The following SMAD6 variants were observed in gnomAD, a reference collection of about 807,000 sequenced individuals.
SMAD6 encodes MAD homolog 6.
Under a neutral mutation model 39.4 loss-of-function variants are expected in SMAD6, and 103 were observed. The ratio of observed to expected loss-of-function variants is 2.62; its 90% CI spans 2.23 to 3.08. The LOEUF (loss-of-function observed/expected upper bound fraction) is 3.08, where lower values mean the gene tolerates loss of function less well. Among genes scored for constraint, SMAD6 ranks in the 30% most tolerant of loss-of-function variants. SMAD6 has a pLI of 0.00. For synonymous variants in SMAD6, 445 were observed against 353.3 expected, an observed-to-expected ratio of 1.26 and a Z score of -2.91; for missense variants, 1,104 against 742.9, an observed-to-expected ratio of 1.49 and a Z score of -5.65.
At chr15:66,762,540 G>A (rs553806669) in intron 3 of SMAD6, among the ~76,000 whole-genome samples, 27 of 152,230 alleles carry the variant, frequency 1.8e-4, no homozygotes, top group South Asian at 2.1e-4. Flanking sequence ...GAGCACTGTC[G>A]GGAGGGGGCA....
At position 66,751,044 on chromosome 15, in the gene SMAD6, G is replaced by A. The variant is rs144194781; in HGVS notation, c.953-29953G>A. On this transcript the variant is annotated intron_variant, in intron 3 of 3. Transcript: ENST00000288840. ...CCACCCCCTGCACTGGTCTCCTAGA[G>A]CAGTAGTTTGTTCTAAGGAAAGGAG... Among the ~76,000 whole-genome samples the A allele has an allele frequency of 3.3e-3, 508 of 152,320 alleles. 1 individual carries two copies. The highest frequency in any genetic ancestry group is 0.012 in the African/African-American group (488 of 41,554).
At chr15:66,726,976 C>A (rs543987641) in intron 3 of SMAD6, among the ~76,000 whole-genome samples, 2 of 152,146 alleles carry the variant, frequency 1.3e-5, no homozygotes, top group Admixed American at 6.5e-5. Context: ...CTGTCTCCCA[C>A]TCAAGGCAGG....
At chr15:66,737,556 A>G (rs1315894055) in intron 3 of SMAD6, among the ~76,000 whole-genome samples, 1 of 152,100 alleles carries the variant, frequency 6.6e-6, no homozygotes, top group Non-Finnish European at 1.5e-5. Context: ...TTGTTGGGTG[A>G]GTGGGGTCCC....
chr15:66,737,884 C>T (rs998676396), intron 3 of SMAD6, among the ~76,000 whole-genome samples: 8 of 152,018 alleles, frequency 5.3e-5, no homozygotes, highest in African/African-American at 1.9e-4. Context: ...TGAGGAGTGC[C>T]GCCTCCTCCC....
chr15:66,739,177 G>A (rs1235902635), intron 3 of SMAD6, among the ~76,000 whole-genome samples: 6 of 149,510 alleles, frequency 4.0e-5, no homozygotes, highest in Non-Finnish European at 5.9e-5. Flanking sequence ...TGCAACCTCC[G>A]CCTCCCAGGT....
rs1390215623 is a variant in SMAD6 at position 66,718,110 on chromosome 15, C to CTGTG, written c.952+1612_952+1613insTGTG. ...CTCCCTATTGTTAATGATGGAAAGT[C>CTGTG]CGTGTGTGTGTGTGTGTGTGTGTGT... On this transcript the variant is annotated intron_variant, in intron 3 of 3. Coordinates refer to ENST00000288840, the MANE Select transcript of SMAD6 (RefSeq NM_005585.5). Among the ~76,000 whole-genome samples, 156 of 72,464 alleles carry CTGTG rather than the reference C, an allele frequency of 2.2e-3. 2 individuals carry two copies. The highest frequency in any genetic ancestry group is 0.01 in the African/African-American group (149 of 14,210). The allele number at this position is 72,464 out of a possible 152,430, so 47.5% of individuals were successfully genotyped here.
intron 3 of SMAD6, among the ~76,000 whole-genome samples, chr15:66,719,482 G>A (rs1379681916): frequency 6.6e-6 from 1 of 152,156 alleles, no homozygotes; most frequent in Non-Finnish European, 1.5e-5. Flanking sequence ...AGTTCTGGGG[G>A]TCTGCCGATC....
chr15:66,704,169 GCGGGTGCTCCCC>G (rs1212037170), intron 1 of SMAD6, 94 bp downstream of exon 1: 2 of 1,052,888 alleles, frequency 1.9e-6, no homozygotes, highest in Non-Finnish European at 2.5e-6. Context: ...CGGCGCAGCT[GCGGGTGCTCCCC>G]CGGGTGCCCT....
chr15:66,739,298 C>G (rs1223054105), intron 3 of SMAD6, among the ~76,000 whole-genome samples: 1 of 152,108 alleles, frequency 6.6e-6, no homozygotes, highest in Admixed American at 6.5e-5. Context: ...ACCATGTTGG[C>G]CAGGCTGATC....
At chr15:66,736,940 T>A (rs1893723337) in intron 3 of SMAD6, among the ~76,000 whole-genome samples, 1 of 152,214 alleles carries the variant, frequency 6.6e-6, no homozygotes, top group African/African-American at 2.4e-5. Flanking sequence ...AGTGCTGGGA[T>A]TACAGGCATG....
chr15:66,734,411 C>G (rs1893679599), intron 3 of SMAD6, among the ~76,000 whole-genome samples: 1 of 152,174 alleles, frequency 6.6e-6, no homozygotes. Context: ...TCACTGCAGA[C>G]AGCTCGGGAA....
At chr15:66,772,545 A>G (rs1818678700) in intron 3 of SMAD6, among the ~76,000 whole-genome samples, 1 of 152,250 alleles carries the variant, frequency 6.6e-6, no homozygotes, top group Non-Finnish European at 1.5e-5. Flanking sequence ...TAATTTATAT[A>G]CACATGTAGA....
chr15:66,743,757 A>G (rs960545183), intron 3 of SMAD6, among the ~76,000 whole-genome samples: 3 of 152,204 alleles, frequency 2.0e-5, no homozygotes, highest in Non-Finnish European at 2.9e-5. Flanking sequence ...AAATATGGGA[A>G]GTAGAAATGG....
chr15:66,704,119 C>T (rs568866691), intron 1 of SMAD6, 44 bp downstream of exon 1: 2 of 1,335,716 alleles, frequency 1.5e-6, no homozygotes, highest in East Asian at 3.1e-5. Flanking sequence ...GTCCCCGTCC[C>T]CATCCCCTTC....
intron 3 of SMAD6, among the ~76,000 whole-genome samples, chr15:66,777,934 G>C (rs980997804): frequency 2.0e-5 from 3 of 152,194 alleles, no homozygotes; most frequent in African/African-American, 7.2e-5. Flanking sequence ...CCAGTCATAG[G>C]GTACCATAAG....
At chr15:66,719,954 G>A (rs1405223458) in intron 3 of SMAD6, among the ~76,000 whole-genome samples, 1 of 152,206 alleles carries the variant, frequency 6.6e-6, no homozygotes, top group Non-Finnish European at 1.5e-5. Context: ...GCTTTAAGCA[G>A]ATCTGGAGAC....
chr15:66,703,288 G>T lies in SMAD6; in HGVS notation c.30G>T (p.Val10=). 1 of 1,492,064 alleles carries T rather than the reference G, an allele frequency of 6.7e-7. No homozygotes were observed. Among genetic ancestry groups the T allele is most frequent in the South Asian group, 1.3e-5 (1 of 78,354 alleles). 92.4% of individuals were successfully genotyped at this position (1,492,064 alleles called of 1,614,324 possible). MFRSKRSGL[V]RRLWRSRVVP... ...TCAGGTCCAAACGCTCGGGGCTGGT[G>T]CGGCGACTTTGGCGAAGTCGTGTGG... The change falls in exon 1 of 4, where the codon GTG becomes GTT. Residue 10 remains valine (V), a synonymous_variant. Coordinates refer to ENST00000288840, the MANE Select transcript of SMAD6 (RefSeq NM_005585.5).
intron 3 of SMAD6, among the ~76,000 whole-genome samples, chr15:66,759,294 A>C (rs1461387703): frequency 6.6e-6 from 1 of 152,212 alleles, no homozygotes; most frequent in Non-Finnish European, 1.5e-5. Context: ...GGGGCTTTAT[A>C]ATCATGCTTT....
rs544953393 is a variant in SMAD6, at chr15:66,734,015, C to T, written c.952+17517C>T. 2.0e-5 allele frequency among the ~76,000 whole-genome samples: 3 copies of T among 152,318 alleles called. No individual in the cohort carries two copies. The East Asian group carries it at 5.8e-4, about 29-fold the overall frequency. ...AAAGGACAGGTCTCCTGTGCCCGAG[C>T]TGGGGTCCTGCACCCTGATTTGGAC... On this transcript the variant is annotated intron_variant, in intron 3 of 3. Transcript: ENST00000288840.
Sources: allele counts gnomAD v4.1 joint callset (sites outside exome capture counted in the v4.1 genomes callset), GRCh38; gene constraint gnomAD v4.1.1; transcripts MANE v1.5; gene names NCBI Gene and HGNC (gene_info 2026-07-23, HGNC 2026-07-21).